The following CHFR variants were observed in gnomAD, a reference collection of about 807,000 sequenced individuals.
CHFR encodes checkpoint with forkhead and ring finger domains, also known as E3 ubiquitin-protein ligase CHFR.
In CHFR, 57 loss-of-function variants were observed where a neutral mutation model predicts 87.6. The observed-to-expected ratio is 0.65, with a 90% CI of 0.53 to 0.81. The LOEUF is 0.81. Ranked by LOEUF, CHFR falls within the 30% of genes least tolerant of loss-of-function variation. The probability of loss-of-function intolerance (pLI) is 0.00; values close to 1 mark genes in which losing one functional copy is unlikely to be tolerated. For missense variants in CHFR, 797 were observed against 865.8 expected (o/e 0.92, Z 1.00); for synonymous variants, 381 against 359.2 (o/e 1.06, Z -0.69).
At position 132,872,302 on chromosome 12, in the gene CHFR, T is replaced by C; in HGVS notation, c.326A>G (p.Lys109Arg). 1 of 1,610,712 alleles carries C rather than the reference T, an allele frequency of 6.2e-7. No individual in the cohort carries two copies. The highest frequency in any genetic ancestry group is 8.5e-7 in the Non-Finnish European group (1 of 1,176,888). Reference sequence around the variant, plus strand: ...TCTCTTACTGTGTTCCGGTTCATTCTTCCTGTACACCAAGTAGATGACATC... The same window carrying C: ...TCTCTTACTGTGTTCCGGTTCATTCCTCCTGTACACCAAGTAGATGACATC... ...TGDVIYLVYR[K>R]NEPEHNVAYL... is the part of the protein sequence containing the mutation. Residue 109 changes from lysine to arginine, a missense_variant, in exon 4 of 18, where the codon AAG becomes AGG. Lys to Arg is a conservative substitution (Grantham distance 26). Transcript: ENST00000450056.
chr12:132,851,756 C>G lies in CHFR; in HGVS notation c.1373-19G>C, dbSNP rs1488655526. On this transcript the variant is annotated intron_variant, in intron 11 of 17. Transcript: ENST00000450056. ...TGGACTGCTGAAGCACACGCACATT[C>G]AGCCGGAGCACGTGGGACCCAGGGC... The G allele has an allele frequency of 6.2e-7, 1 of 1,603,064 alleles. No individual in the cohort carries two copies. The highest frequency in any genetic ancestry group is 1.7e-5 in the Admixed American group (1 of 59,486).
rs1279317206 is a variant in CHFR, at chr12:132,833,799, A to C, written c.*7755T>G. ...TGCCCTCCAGCCCTGACAACAGAGCAAGACACTGTCTCAAAAACAAAAAAA... is the reference window on the plus strand; with the variant it reads ...TGCCCTCCAGCCCTGACAACAGAGCCAGACACTGTCTCAAAAACAAAAAAA... On this transcript the variant is annotated 3_prime_UTR_variant, in exon 18 of 18. Coordinates refer to ENST00000450056, the MANE Select transcript of CHFR (RefSeq NM_001161346.2). The C allele has an allele frequency of 6.6e-6, 1 of 152,476 alleles. No individual in the cohort carries two copies. Among genetic ancestry groups the C allele is most frequent in the Non-Finnish European group, 1.5e-5 (1 of 68,230 alleles). 9.4% of individuals were successfully genotyped at this position (152,476 alleles called of 1,614,324 possible). A position where few individuals can be genotyped will look rare whatever the true frequency, so the allele number is the denominator to read the frequency against.
chr12:132,879,327 G>T (rs1230224411), intron 2 of CHFR, among the ~76,000 whole-genome samples: 1 of 151,242 alleles, frequency 6.6e-6, no homozygotes, highest in Non-Finnish European at 1.5e-5. Flanking sequence ...ATAAGAAACT[G>T]CATCTTATAT....
intron 15 of CHFR, among the ~76,000 whole-genome samples, chr12:132,844,385 C>T (rs889223951): frequency 9.2e-5 from 14 of 151,788 alleles, no homozygotes; most frequent in Admixed American, 2.0e-4. Flanking sequence ...CCCGGGTTCA[C>T]GCCATTCTCC....
At chr12:132,880,393 A>G (rs997615782) in intron 2 of CHFR, among the ~76,000 whole-genome samples, 10 of 152,192 alleles carry the variant, frequency 6.6e-5, no homozygotes, top group Admixed American at 3.9e-4. Flanking sequence ...GCCGTGGCTC[A>G]CACCTGTAAT....
intron 3 of CHFR, among the ~76,000 whole-genome samples, chr12:132,876,459 T>C (rs1197255269): frequency 1.3e-5 from 2 of 152,246 alleles, no homozygotes; most frequent in East Asian, 3.8e-4. Context: ...AATGAAAATA[T>C]TCTAAAATCT....
chr12:132,865,651 GTCTTT>G (rs1284094493), intron 6 of CHFR, among the ~76,000 whole-genome samples: 5 of 127,016 alleles, frequency 3.9e-5, no homozygotes, highest in African/African-American at 1.5e-4. Context: ...GGGATTACAG[GTCTTT>G]TTTTTTTTTT....
intron 3 of CHFR, among the ~76,000 whole-genome samples, chr12:132,877,058 G>C (rs1347716182): frequency 6.6e-6 from 1 of 152,158 alleles, no homozygotes; most frequent in Admixed American, 6.6e-5. Context: ...GCCTCCCAAA[G>C]TGCTGGGATT....
chr12:132,846,233 AAT>A (rs1950818258), intron 15 of CHFR, among the ~76,000 whole-genome samples: 1 of 150,452 alleles, frequency 6.6e-6, no homozygotes, highest in Admixed American at 6.6e-5. Flanking sequence ...AAGCTGCTGG[AAT>A]ATGTCATACA....
At chr12:132,878,328 G>A (rs1951679249) in intron 2 of CHFR, among the ~76,000 whole-genome samples, 1 of 151,860 alleles carries the variant, frequency 6.6e-6, no homozygotes, top group Non-Finnish European at 1.5e-5. Flanking sequence ...AATTAGCTGG[G>A]CATGGTGGCG....
rs934126757 is a variant in CHFR at position 132,836,969 on chromosome 12, G to A, written c.*4585C>T. Reference sequence around the variant, plus strand: ...AACGGTAAACAGATGTTTCCTTTCCGATAGTGACAGGTGCTGGGGGGAAAC... The same window carrying A: ...AACGGTAAACAGATGTTTCCTTTCCAATAGTGACAGGTGCTGGGGGGAAAC... On this transcript the variant is annotated 3_prime_UTR_variant, in exon 18 of 18. Transcript: ENST00000450056. 1.9e-5 allele frequency: 7 copies of A among 362,830 alleles called. No homozygotes were observed. Among genetic ancestry groups the A allele is most frequent in the East Asian group, 7.3e-5 (1 of 13,668 alleles). The allele number at this position is 362,830 out of a possible 1,614,324, so 22.5% of individuals were successfully genotyped here.
chr12:132,861,426 G>C (rs1457980747), intron 7 of CHFR, 41 bp downstream of exon 7: 3 of 1,598,376 alleles, frequency 1.9e-6, no homozygotes, highest in African/African-American at 1.3e-5. Context: ...TGCCCCAGGA[G>C]CACACGAGAG....
intron 15 of CHFR, among the ~76,000 whole-genome samples, chr12:132,844,539 C>T (rs370975355): frequency 0.093 from 10,790 of 115,706 alleles, 2,100 homozygotes; most frequent in Non-Finnish European, 0.17. Flanking sequence ...CCGCCTCGGC[C>T]TCCCAAAGTG....
chr12:132,843,147 A>G, intron 16 of CHFR, 64 bp from the exon 17 acceptor site: 3 of 1,461,768 alleles, frequency 2.1e-6, no homozygotes, highest in Non-Finnish European at 1.9e-6. Context: ...AGCTACCTGA[A>G]TCCCAGCAGA....
rs117363206 is a variant in CHFR, at chr12:132,853,358, G to A, written c.1372+73C>T. ...CAGGAGGCGGGCAGAGCGCGGCCAC[G>A]TGCACGTCAGCACCGGGCACAGCCA... On this transcript the variant is annotated intron_variant, in intron 11 of 17. Coordinates refer to ENST00000450056, the MANE Select transcript of CHFR (RefSeq NM_001161346.2). 367 of 1,385,278 alleles carry A rather than the reference G, an allele frequency of 2.6e-4. 3 individuals are homozygous for A. In the East Asian group the frequency reaches 0.01, roughly 38 times the overall value. 85.8% of individuals were successfully genotyped at this position (1,385,278 alleles called of 1,614,324 possible).
At chr12:132,880,300 G>A (rs909333782) in intron 2 of CHFR, among the ~76,000 whole-genome samples, 12 of 152,066 alleles carry the variant, frequency 7.9e-5, no homozygotes, top group Admixed American at 2.0e-4. Flanking sequence ...CATGGACTTC[G>A]CAGATAGGAT....
chr12:132,879,204 C>T (rs1218839417), intron 2 of CHFR, among the ~76,000 whole-genome samples: 1 of 151,600 alleles, frequency 6.6e-6, no homozygotes, highest in Non-Finnish European at 1.5e-5. Context: ...CGGGGTTTCA[C>T]CATGCTGGTC....
chr12:132,846,193 G>A (rs778049215), intron 15 of CHFR, among the ~76,000 whole-genome samples: 4 of 151,860 alleles, frequency 2.6e-5, no homozygotes, highest in East Asian at 1.9e-4. Context: ...AGTGGCAGTC[G>A]GCCACACCCA....
Position 132,877,607 on chromosome 12 carries a change from A to G in CHFR, c.181T>C (p.Cys61Arg). 6.2e-7 allele frequency: 1 copy of G among 1,613,746 alleles called. No homozygotes were observed. ...PSNKLVSGDH[C>R]RIVVDEKSGQ... is the part of the protein sequence containing the mutation. ...GATTTTTCATCCACTACAATTCTACAGTGATCTCCAGAGACCAGTTTATTG... is the reference window on the plus strand; with the variant it reads ...GATTTTTCATCCACTACAATTCTACGGTGATCTCCAGAGACCAGTTTATTG... Residue 61 changes from cysteine to arginine, a missense_variant, in exon 3 of 18, where the codon TGT (cysteine) becomes CGT (arginine). This residue lies in a region of CHFR where 597 missense variants were observed against 601.2 expected (regional missense o/e 0.99). Transcript: ENST00000450056.
Sources: allele counts gnomAD v4.1 joint callset (sites outside exome capture counted in the v4.1 genomes callset), GRCh38; gene constraint gnomAD v4.1.1; regional missense constraint gnomAD v4.1.1; transcripts MANE v1.5; gene names NCBI Gene and HGNC (gene_info 2026-07-23, HGNC 2026-07-21).